The following TUBA1C variants were observed in gnomAD, a reference collection of about 807,000 sequenced individuals.
TUBA1C encodes the protein tubulin alpha 1c, also known as tubulin alpha-1C chain.
In TUBA1C, 16 loss-of-function variants were observed where a neutral mutation model predicts 34.9. The ratio of observed to expected loss-of-function variants is 0.46; its 90% CI spans 0.31 to 0.70. TUBA1C has a LOEUF of 0.70. Ranked by LOEUF, TUBA1C falls within the 30% of genes least tolerant of loss-of-function variation. The pLI, the probability that TUBA1C is intolerant of heterozygous loss-of-function variation, is 0.05. For missense variants in TUBA1C, 329 were observed against 587.3 expected (o/e 0.56, Z 4.55); for synonymous variants, 177 against 215.9 (o/e 0.82, Z 1.58).
intron 1 of TUBA1C, among the ~76,000 whole-genome samples, chr12:49,236,896 C>T (rs1269631349): frequency 4.6e-5 from 7 of 152,126 alleles, no homozygotes; most frequent in Admixed American, 2.0e-4. Context: ...TATAATCTTA[C>T]GGAACCACCA....
At chr12:49,243,587 T>C (rs151029557) in intron 1 of TUBA1C, among the ~76,000 whole-genome samples, 5 of 152,162 alleles carry the variant, frequency 3.3e-5, no homozygotes, top group African/African-American at 1.2e-4. Flanking sequence ...AAGGGATAGC[T>C]TTTTGTTTTT....
chr12:49,269,454 T>C lies in TUBA1C; in HGVS notation c.4-11T>C. The C allele has an allele frequency of 1.2e-6, 2 of 1,614,122 alleles. No individual in the cohort carries two copies. Among genetic ancestry groups the C allele is most frequent in the Non-Finnish European group, 1.7e-6 (2 of 1,180,034 alleles). Reference sequence around the variant, plus strand: ...ATTATACCCTGACATTTTCCTTTCTTCCTCCCACAGCGTGAGTGCATCTCC... The same window carrying C: ...ATTATACCCTGACATTTTCCTTTCTCCCTCCCACAGCGTGAGTGCATCTCC... On this transcript the variant is annotated splice_polypyrimidine_tract_variant and intron_variant, in intron 1 of 3. Coordinates refer to ENST00000301072, the MANE Select transcript of TUBA1C (RefSeq NM_032704.5).
intron 1 of TUBA1C, among the ~76,000 whole-genome samples, chr12:49,231,941 G>A (rs545426662): frequency 5.3e-5 from 8 of 152,318 alleles, no homozygotes; most frequent in South Asian, 2.1e-4. Flanking sequence ...TTGCCTGAAC[G>A]TCACCTATAG....
At chr12:49,232,404 A>C (rs1471512241) in intron 1 of TUBA1C, among the ~76,000 whole-genome samples, 1 of 152,166 alleles carries the variant, frequency 6.6e-6, no homozygotes, top group Non-Finnish European at 1.5e-5. Flanking sequence ...ATAAAAGGGC[A>C]CTTCAGCTGT....
chr12:49,243,417 G>C (rs1942637545), intron 1 of TUBA1C, among the ~76,000 whole-genome samples: 1 of 151,986 alleles, frequency 6.6e-6, no homozygotes, highest in African/African-American at 2.4e-5. Flanking sequence ...CTACAGCCTG[G>C]GTGACAGTGT....
chr12:49,253,482 T>C (rs1303753810), intron 1 of TUBA1C, among the ~76,000 whole-genome samples: 2 of 151,978 alleles, frequency 1.3e-5, no homozygotes, highest in Non-Finnish European at 1.5e-5. Flanking sequence ...GAGGTTGTGG[T>C]TGGACGGTGG....
intron 3 of TUBA1C, among the ~76,000 whole-genome samples, chr12:49,271,106 C>G (rs1942986987): frequency 6.6e-6 from 1 of 152,184 alleles, no homozygotes. Flanking sequence ...AGGTTTATTG[C>G]CTACCAAAAC....
chr12:49,246,599 C>T (rs930221135), intron 1 of TUBA1C, among the ~76,000 whole-genome samples: 5 of 151,774 alleles, frequency 3.3e-5, no homozygotes, highest in African/African-American at 7.2e-5. Context: ...GGCATGAACC[C>T]GGGAGGCGGA....
Position 49,273,362 on chromosome 12 carries a change from A to G in TUBA1C, c.*135A>G. The G allele has an allele frequency of 1.3e-6, 2 of 1,531,966 alleles. No homozygotes were observed. Among genetic ancestry groups the G allele is most frequent in the Non-Finnish European group, 1.8e-6 (2 of 1,129,330 alleles). The allele number at this position is 1,531,966 out of a possible 1,614,324, so 94.9% of individuals were successfully genotyped here. ...TCGAGCTGACTTAAATACTTGATCCAGTTAAAGTTGGATGTATGAGGCTGG... is the reference window on the plus strand; with the variant it reads ...TCGAGCTGACTTAAATACTTGATCCGGTTAAAGTTGGATGTATGAGGCTGG... On this transcript the variant is annotated 3_prime_UTR_variant, in exon 4 of 4. Coordinates refer to ENST00000301072, the MANE Select transcript of TUBA1C (RefSeq NM_032704.5).
Position 49,269,626 on chromosome 12 carries a change from A to C in TUBA1C, c.165A>C (p.Glu55Asp), listed in dbSNP as rs115048428. 1 of 1,614,178 alleles carries C rather than the reference A, an allele frequency of 6.2e-7. No individual in the cohort carries two copies. Among genetic ancestry groups the C allele is most frequent in the Non-Finnish European group, 8.5e-7 (1 of 1,180,032 alleles). ...ATTCCTTCAACACCTTCTTCAGTGA[A>C]ACGGGTGCTGGCAAGCATGTGCCCC... ...GDDSFNTFFS[E>D]TGAGKHVPRA... Residue 55 changes from glutamate to aspartate, a missense_variant, in exon 2 of 4, where the codon GAA becomes GAC. Coordinates refer to ENST00000301072, the MANE Select transcript of TUBA1C (RefSeq NM_032704.5).
chr12:49,266,658 G>T (rs892877521), intron 1 of TUBA1C, among the ~76,000 whole-genome samples: 1 of 152,050 alleles, frequency 6.6e-6, no homozygotes, highest in African/African-American at 2.4e-5. Context: ...AGACCAGCCT[G>T]GGCAACACGG....
intron 3 of TUBA1C, 84 bp from the exon 4 acceptor site, chr12:49,272,169 A>T: frequency 1.3e-6 from 2 of 1,527,902 alleles, no homozygotes; most frequent in Non-Finnish European, 1.8e-6. Flanking sequence ...CCATAGATTT[A>T]TAGAAGTCCT....
At chr12:49,234,038 C>G (rs900808333) in intron 1 of TUBA1C, 4 of 152,142 alleles carry the variant, frequency 2.6e-5, no homozygotes, top group African/African-American at 9.7e-5. Flanking sequence ...ATGACGGTGA[C>G]GCGCAATAAG....
Position 49,272,238 on chromosome 12 carries a change from T to G in TUBA1C, c.376-15T>G, listed in dbSNP as rs1471648484. On this transcript the variant is annotated splice_polypyrimidine_tract_variant and intron_variant, in intron 3 of 3. Transcript: ENST00000301072. ...AACTTTCGCAACACTAAAATGAAAC[T>G]TTTTTATTTTGCAGGCTGACCAGTG... 1 of 1,580,378 alleles carries G rather than the reference T, an allele frequency of 6.3e-7. No individual in the cohort carries two copies. The highest frequency in any genetic ancestry group is 2.2e-5 in the East Asian group (1 of 44,518).
intron 1 of TUBA1C, among the ~76,000 whole-genome samples, chr12:49,234,431 T>A (rs941251651): frequency 1.3e-5 from 2 of 152,196 alleles, no homozygotes; most frequent in Non-Finnish European, 2.9e-5. Context: ...CAAACCAGAG[T>A]AGGCTTCCAG....
At chr12:49,268,224 G>A (rs531702348) in intron 1 of TUBA1C, among the ~76,000 whole-genome samples, 3 of 152,144 alleles carry the variant, frequency 2.0e-5, no homozygotes, top group Non-Finnish European at 4.4e-5. Flanking sequence ...TCAGTCTTCC[G>A]AGTAGCTGGG....
intron 1 of TUBA1C, among the ~76,000 whole-genome samples, chr12:49,235,406 C>A (rs974832630): frequency 6.6e-6 from 1 of 152,094 alleles, no homozygotes. Context: ...CAGGTCAGCG[C>A]CCCATTTTTT....
chr12:49,245,502 A>C (rs1942658028), intron 1 of TUBA1C, among the ~76,000 whole-genome samples: 1 of 152,200 alleles, frequency 6.6e-6, no homozygotes, highest in South Asian at 2.1e-4. Flanking sequence ...ACAGCTACTC[A>C]GGAGGCTGAG....
chr12:49,270,190 T>A, intron 3 of TUBA1C: 2 of 1,039,504 alleles, frequency 1.9e-6, no homozygotes, highest in Non-Finnish European at 2.8e-6. Context: ...CCTATTTTGC[T>A]TCAAGCTGAG....
Sources: allele counts gnomAD v4.1 joint callset (sites outside exome capture counted in the v4.1 genomes callset), GRCh38; gene constraint gnomAD v4.1.1; transcripts MANE v1.5; gene names NCBI Gene and HGNC (gene_info 2026-07-23, HGNC 2026-07-21).